Variants in RASA3 observed in about 807,000 individuals in gnomAD.
RASA3 encodes the protein RAS p21 protein activator 3.
In RASA3, 73 loss-of-function variants were observed where a neutral mutation model predicts 110.0. The observed-to-expected ratio is 0.66, with a 90% CI of 0.55 to 0.81. The LOEUF is 0.81. Ranked by LOEUF, RASA3 falls within the 30% of genes least tolerant of loss-of-function variation. RASA3 has a pLI of 0.00. For synonymous variants in RASA3, 500 were observed against 451.4 expected (o/e 1.11, Z -1.37); for missense variants, 976 against 1,113.2 (o/e 0.88, Z 1.75).
chr13:114,016,588 G>A (rs1009242633), intron 12 of RASA3, among the ~76,000 whole-genome samples: 1 of 152,226 alleles, frequency 6.6e-6, no homozygotes, highest in Non-Finnish European at 1.5e-5. Context: ...GCGATCAGAC[G>A]AGCCGGGCTC....
intron 8 of RASA3, among the ~76,000 whole-genome samples, chr13:114,023,349 G>A (rs1026162716): frequency 6.6e-5 from 10 of 151,024 alleles, no homozygotes; most frequent in Admixed American, 5.9e-4. Context: ...TCCCAGGCTC[G>A]GGGGCATCCT....
chr13:114,004,602 G>A (rs571983119), intron 18 of RASA3, among the ~76,000 whole-genome samples: 14 of 152,234 alleles, frequency 9.2e-5, no homozygotes, highest in East Asian at 1.9e-4. Context: ...AGCTCACGCC[G>A]GGCAGAATGG....
chr13:114,038,367 C>T lies in RASA3; in HGVS notation c.372+2633G>A, dbSNP rs1046934941. Among the ~76,000 whole-genome samples the T allele has an allele frequency of 4.1e-4, 62 of 152,250 alleles. 1 individual carries two copies. The highest frequency in any genetic ancestry group is 2.6e-3 in the Admixed American group (39 of 15,292). On this transcript the variant is annotated intron_variant, in intron 4 of 23. Transcript: ENST00000334062. ...GCAGCACGCTGGGGCCCTTGTGCTCCGGGGATGCGAGGACAGTCATTAGTT... is the reference window on the plus strand; with the variant it reads ...GCAGCACGCTGGGGCCCTTGTGCTCTGGGGATGCGAGGACAGTCATTAGTT...
chr13:113,980,745 G>A (rs1411929676), intron 23 of RASA3, among the ~76,000 whole-genome samples: 2 of 152,210 alleles, frequency 1.3e-5, no homozygotes, highest in Non-Finnish European at 2.9e-5. Flanking sequence ...TGAGCAACTC[G>A]GTCCAAGTCC....
At chr13:114,082,306 C>T (rs953887711) in intron 1 of RASA3, among the ~76,000 whole-genome samples, 2 of 152,382 alleles carry the variant, frequency 1.3e-5, no homozygotes, top group African/African-American at 2.4e-5. Context: ...GTTTGCCTCA[C>T]GCAGTACCAA....
Position 114,029,501 on chromosome 13 carries a change from G to C in RASA3, c.449+310C>G, listed in dbSNP as rs1253075746. 1.4e-3 allele frequency among the ~76,000 whole-genome samples: 38 copies of C among 26,794 alleles called. 7 individuals carry two copies. The highest frequency in any genetic ancestry group is 0.011 in the African/African-American group (36 of 3,396). 17.6% of individuals were successfully genotyped at this position (26,794 alleles called of 152,430 possible). A position where few individuals can be genotyped will look rare whatever the true frequency, so the allele number is the denominator to read the frequency against. ...AGGACCTCTAAAACGGCGTCATCCT[G>C]GGGGCCAGGACCTCTAAAACGGCGT... On this transcript the variant is annotated intron_variant, in intron 5 of 23. Coordinates refer to ENST00000334062, the MANE Select transcript of RASA3 (RefSeq NM_007368.4).
intron 21 of RASA3, among the ~76,000 whole-genome samples, chr13:113,993,749 A>G (rs752382603): frequency 6.2e-5 from 9 of 144,012 alleles, no homozygotes; most frequent in Non-Finnish European, 1.3e-4. Flanking sequence ...TGGAGGTTGC[A>G]GTGAGCCGAA....
intron 2 of RASA3, among the ~76,000 whole-genome samples, chr13:114,063,792 C>A (rs56287057): frequency 0.31 from 47,429 of 151,910 alleles, 8,175 homozygotes; most frequent in East Asian, 0.5. Flanking sequence ...ACAGAACCCT[C>A]CAGGGAGTCT....
intron 2 of RASA3, among the ~76,000 whole-genome samples, chr13:114,072,560 T>C (rs1005103748): frequency 6.6e-6 from 1 of 152,230 alleles, no homozygotes; most frequent in Non-Finnish European, 1.5e-5. Flanking sequence ...TGTACTCTTT[T>C]GTGGAGTGCG....
At chr13:114,017,111 G>A (rs1594328962) in intron 12 of RASA3, 126 bp downstream of exon 12, 1 of 799,248 alleles carries the variant, frequency 1.3e-6, no homozygotes, top group Non-Finnish European at 2.1e-6. Context: ...CATCCCCGTG[G>A]CGAGGCCAGA....
At chr13:114,031,609 G>A (rs998032043) in intron 4 of RASA3, among the ~76,000 whole-genome samples, 1 of 152,114 alleles carries the variant, frequency 6.6e-6, no homozygotes, top group African/African-American at 2.4e-5. Flanking sequence ...TGCACCGCCT[G>A]TGTGTATGTG....
intron 1 of RASA3, among the ~76,000 whole-genome samples, chr13:114,089,745 T>G (rs1427238654): frequency 6.6e-6 from 1 of 152,178 alleles, no homozygotes; most frequent in Non-Finnish European, 1.5e-5. Context: ...TTTTAGTGTA[T>G]TCCGAGTTGA....
At chr13:114,088,861 AAATT>A (rs1449352909) in intron 1 of RASA3, among the ~76,000 whole-genome samples, 1 of 152,194 alleles carries the variant, frequency 6.6e-6, no homozygotes, top group Non-Finnish European at 1.5e-5. Flanking sequence ...TAAAATTCCC[AAATT>A]AATTTTCACA....
rs533670964 is a variant in RASA3, at chr13:114,013,255, G to A, written c.1406-7C>T. ...TACCTGACGTCCGGGTCATCTGCGG[G>A]AGAGAGAAGCAGGGTGACCGTTTTC... On this transcript the variant is annotated splice_polypyrimidine_tract_variant and splice_region_variant and intron_variant, in intron 14 of 23. Transcript: ENST00000334062. The A allele has an allele frequency of 1.2e-6, 2 of 1,607,148 alleles. No homozygotes were observed. Among genetic ancestry groups the A allele is most frequent in the Admixed American group, 1.7e-5 (1 of 59,228 alleles).
chr13:114,023,909 G>A (rs1413791591), intron 8 of RASA3, among the ~76,000 whole-genome samples: 7 of 152,182 alleles, frequency 4.6e-5, no homozygotes, highest in Non-Finnish European at 1.0e-4. Context: ...GCTCGGTCAG[G>A]GCCAGGCGTC....
At chr13:114,087,704 C>T (rs972093652) in intron 1 of RASA3, among the ~76,000 whole-genome samples, 1 of 152,328 alleles carries the variant, frequency 6.6e-6, no homozygotes, top group Middle Eastern at 3.4e-3. Context: ...CAGCAGGGCG[C>T]CCGCCCGACA....
intron 12 of RASA3, among the ~76,000 whole-genome samples, chr13:114,016,774 G>C (rs2053802174): frequency 6.6e-6 from 1 of 152,190 alleles, no homozygotes; most frequent in Non-Finnish European, 1.5e-5. Flanking sequence ...TCTCACATTT[G>C]CAAAGAACCT....
rs1485960656 is a variant in RASA3 at position 114,114,912 on chromosome 13, A to T, written c.55+17523T>A. Among the ~76,000 whole-genome samples the T allele has an allele frequency of 6.6e-6, 1 of 152,128 alleles. No homozygotes were observed. The highest frequency in any genetic ancestry group is 1.5e-5 in the Non-Finnish European group (1 of 67,998). On this transcript the variant is annotated intron_variant, in intron 1 of 23. Transcript: ENST00000334062. This position sits in a 1 kb window ranked among gnomAD's most constrained non-coding sequence, Gnocchi z 4.8. The stretch of plus-strand genomic sequence containing the variant: ...CTGGTAAGCTGGGAAATTCCCGGGC[A>T]CGACCCCTGGCCGTGGGTGAAAGCA...
In RASA3 at chr13:114,077,712, G is replaced by A. The variant is rs1207986109; in HGVS notation, c.56-3875C>T. On this transcript the variant is annotated intron_variant, in intron 1 of 23. Transcript: ENST00000334062. The stretch of plus-strand genomic sequence containing the variant: ...TCCCCCGCACTGGCACCAAGGCACC[G>A]GGTTCCTCCCTCCCTGCCCGATGAT... 49 of 716,704 alleles carry A rather than the reference G, an allele frequency of 6.8e-5. No individual in the cohort carries two copies. In the African/African-American group the frequency reaches 7.6e-4, roughly 11 times the overall value. 44.4% of individuals were successfully genotyped at this position (716,704 alleles called of 1,614,324 possible).
Sources: gnomAD v4.1 joint callset for allele counts (sites outside exome capture counted in the v4.1 genomes callset) on GRCh38, gnomAD v4.1.1 for gene constraint, Gnocchi (gnomAD v3.1) non-coding constraint, MANE v1.5 for transcripts, NCBI Gene and HGNC (gene_info 2026-07-23, HGNC 2026-07-21) for gene names.